Variants in DACH1 observed in about 807,000 individuals in gnomAD.
The protein encoded by DACH1 is dachshund homolog 1.
Under a neutral mutation model 54.2 loss-of-function variants are expected in DACH1, and 12 were observed. That is an observed-to-expected ratio of 0.22 (90% confidence interval 0.14 to 0.36). The LOEUF (loss-of-function observed/expected upper bound fraction) is 0.36, where lower values mean the gene tolerates loss of function less well. Ranked by LOEUF, DACH1 falls within the 10% of genes least tolerant of loss-of-function variation. The pLI, the probability that DACH1 is intolerant of heterozygous loss-of-function variation, is 1.00. For synonymous variants in DACH1, 386 were observed against 366.2 expected (o/e 1.05, Z -0.62); for missense variants, 805 against 929.8 (o/e 0.87, Z 1.75).
At chr13:71,484,722 CAA>C (rs921676036) in intron 7 of DACH1, among the ~76,000 whole-genome samples, 22 of 152,042 alleles carry the variant, frequency 1.4e-4, no homozygotes, top group African/African-American at 5.3e-4. Flanking sequence ...ACAAGATAAA[CAA>C]AGTAAATAAT....
intron 1 of DACH1, among the ~76,000 whole-genome samples, chr13:71,682,955 T>C (rs1438862283): frequency 1.3e-5 from 2 of 152,188 alleles, no homozygotes; most frequent in Non-Finnish European, 2.9e-5. Context: ...ATCATTTATT[T>C]GGCCAAAACG....
At chr13:71,778,213 A>G (rs963692128) in intron 1 of DACH1, among the ~76,000 whole-genome samples, 1 of 152,066 alleles carries the variant, frequency 6.6e-6, no homozygotes, top group Non-Finnish European at 1.5e-5. Flanking sequence ...ACAAAAGACA[A>G]TGCATTGCTC....
chr13:71,720,947 C>T (rs1883204809), intron 1 of DACH1, among the ~76,000 whole-genome samples: 1 of 152,132 alleles, frequency 6.6e-6, no homozygotes, highest in Non-Finnish European at 1.5e-5. Flanking sequence ...TGTAAATCTG[C>T]ATTATAAAAT....
intron 6 of DACH1, among the ~76,000 whole-genome samples, chr13:71,521,711 C>A (rs1302044137): frequency 1.3e-5 from 2 of 152,008 alleles, no homozygotes; most frequent in Non-Finnish European, 2.9e-5. Context: ...TCACCTGATC[C>A]CAGAGCATCA....
chr13:71,723,697 G>T (rs985399506), intron 1 of DACH1, among the ~76,000 whole-genome samples: 20 of 151,960 alleles, frequency 1.3e-4, no homozygotes, highest in Non-Finnish European at 2.9e-4. Flanking sequence ...GTTTTGTTTT[G>T]TTTTGTTTTT....
chr13:71,520,340 T>C (rs983648391), intron 6 of DACH1, among the ~76,000 whole-genome samples: 1 of 151,746 alleles, frequency 6.6e-6, no homozygotes, highest in Non-Finnish European at 1.5e-5. Context: ...ATCCACAGGA[T>C]TTTTGTAAAA....
rs557253711 is a variant in DACH1 at position 71,784,479 on chromosome 13, T to C, written c.848+81443A>G. Among the ~76,000 whole-genome samples the C allele has an allele frequency of 3.3e-5, 5 of 152,256 alleles. No individual in the cohort carries two copies. In the South Asian group the frequency reaches 1.0e-3, roughly 32 times the overall value. On this transcript the variant is annotated intron_variant, in intron 1 of 10. Coordinates refer to ENST00000613252, the MANE Select transcript of DACH1 (RefSeq NM_080759.6). ...TACAACAATGCACAAAAATGGCCTATTTTCCTTTCTGTTCATGTGATTCAC... is the reference window on the plus strand; with the variant it reads ...TACAACAATGCACAAAAATGGCCTACTTTCCTTTCTGTTCATGTGATTCAC...
chr13:71,686,445 A>C (rs544109889), intron 1 of DACH1, among the ~76,000 whole-genome samples: 2 of 152,198 alleles, frequency 1.3e-5, no homozygotes, highest in African/African-American at 4.8e-5. Context: ...AATCAATCTC[A>C]TGCTAATTTC....
chr13:71,688,415 T>C (rs1294353180), intron 1 of DACH1, among the ~76,000 whole-genome samples: 1 of 152,206 alleles, frequency 6.6e-6, no homozygotes, highest in African/African-American at 2.4e-5. Context: ...GCTATATGAT[T>C]AACATTATTT....
intron 6 of DACH1, among the ~76,000 whole-genome samples, chr13:71,517,284 A>G (rs1418933405): frequency 6.6e-6 from 1 of 151,838 alleles, no homozygotes; most frequent in Non-Finnish European, 1.5e-5. Context: ...GGCTTCCACT[A>G]GGTTCTTAGC....
intron 1 of DACH1, among the ~76,000 whole-genome samples, chr13:71,791,611 T>C (rs902205195): frequency 3.3e-5 from 5 of 152,186 alleles, no homozygotes; most frequent in Admixed American, 3.3e-4. Context: ...CTCCAACTTC[T>C]GACCTCGGGT....
intron 1 of DACH1, among the ~76,000 whole-genome samples, chr13:71,722,511 C>T (rs1233719388): frequency 6.6e-6 from 1 of 152,082 alleles, no homozygotes; most frequent in Non-Finnish European, 1.5e-5. Context: ...GAAGGGGGTA[C>T]TTCCGGATAA....
At chr13:71,517,228 ACT>A (rs1881229056) in intron 6 of DACH1, among the ~76,000 whole-genome samples, 1 of 151,862 alleles carries the variant, frequency 6.6e-6, no homozygotes, top group South Asian at 2.1e-4. Context: ...TGATCAAAAC[ACT>A]GTTATCAAAT....
intron 6 of DACH1, among the ~76,000 whole-genome samples, chr13:71,513,897 T>C (rs1880968278): frequency 6.6e-6 from 1 of 152,070 alleles, no homozygotes; most frequent in African/African-American, 2.4e-5. Flanking sequence ...CAGGCCCCTC[T>C]GTCCTCCACA....
intron 1 of DACH1, among the ~76,000 whole-genome samples, chr13:71,755,558 C>T (rs570456249): frequency 6.6e-6 from 1 of 152,118 alleles, no homozygotes; most frequent in Non-Finnish European, 1.5e-5. Context: ...AAATGGCACC[C>T]CTGAAATTCA....
In DACH1 at chr13:71,439,547, T is replaced by A. The variant is rs1349360834; in HGVS notation, c.*1108A>T. The A allele has an allele frequency of 6.6e-6, 1 of 152,402 alleles. No homozygotes were observed. Among genetic ancestry groups the A allele is most frequent in the Non-Finnish European group, 1.5e-5 (1 of 67,908 alleles). The allele number at this position is 152,402 out of a possible 1,614,324, so 9.4% of individuals were successfully genotyped here. A position where few individuals can be genotyped will look rare whatever the true frequency, so the allele number is the denominator to read the frequency against. Reference sequence around the variant, plus strand: ...TTAACATATAAAAATATTTCTGGTGTTTTGATTTGCTGTTCAGCCACAATC... The same window carrying A: ...TTAACATATAAAAATATTTCTGGTGATTTGATTTGCTGTTCAGCCACAATC... On this transcript the variant is annotated 3_prime_UTR_variant, in exon 11 of 11. Coordinates refer to ENST00000613252, the MANE Select transcript of DACH1 (RefSeq NM_080759.6).
intron 6 of DACH1, among the ~76,000 whole-genome samples, chr13:71,539,292 T>A (rs544133953): frequency 6.6e-6 from 1 of 152,214 alleles, no homozygotes; most frequent in East Asian, 1.9e-4. Flanking sequence ...GTGCTCTTGA[T>A]ATTCAGAAAA....
intron 3 of DACH1, among the ~76,000 whole-genome samples, chr13:71,586,942 C>T (rs1244054449): frequency 5.9e-5 from 9 of 151,954 alleles, no homozygotes; most frequent in African/African-American, 1.4e-4. Flanking sequence ...CAAAGTTTTT[C>T]GGTTAAATTT....
At chr13:71,464,540 GA>G in intron 10 of DACH1, 2 of 412,562 alleles carry the variant, frequency 4.8e-6, no homozygotes, top group Non-Finnish European at 9.5e-6. Context: ...AAAACAAAGA[GA>G]TTTTTTGGCT....
Sources: allele counts gnomAD v4.1 joint callset (sites outside exome capture counted in the v4.1 genomes callset), GRCh38; gene constraint gnomAD v4.1.1; transcripts MANE v1.5; gene names NCBI Gene and HGNC (gene_info 2026-07-23, HGNC 2026-07-21).